Variants in TBC1D15 observed in about 807,000 individuals in gnomAD.
TBC1D15 encodes TBC1 domain family member 15, also known as GAP for RAB7.
Under a neutral mutation model 95.4 loss-of-function variants are expected in TBC1D15, and 39 were observed. That is an observed-to-expected ratio of 0.41 (90% CI 0.32 to 0.53). The LOEUF (loss-of-function observed/expected upper bound fraction) is 0.53, where lower values mean the gene tolerates loss of function less well. TBC1D15 is among the 20% of genes least tolerant of loss of function. The pLI, the probability that TBC1D15 is intolerant of heterozygous loss-of-function variation, is 0.29. For synonymous variants in TBC1D15, 258 were observed against 261.3 expected, an observed-to-expected ratio of 0.99 and a Z score of 0.12; for missense variants, 733 against 794.3, an observed-to-expected ratio of 0.92 and a Z score of 0.93.
chr12:71,918,323 A>C (rs1362780691), intron 13 of TBC1D15, 128 bp from the exon 14 acceptor site: 3 of 530,454 alleles, frequency 5.7e-6, no homozygotes, highest in Non-Finnish European at 1.0e-5. Context: ...ATGATTCCTT[A>C]ACGTAGAAGA....
chr12:71,885,072 C>T, intron 5 of TBC1D15, 51 bp downstream of exon 5: 6 of 1,573,484 alleles, frequency 3.8e-6, no homozygotes, highest in Non-Finnish European at 4.3e-6. Context: ...TTGTATTAAT[C>T]CCAAAGCAAA....
chr12:71,894,180 CT>C lies in TBC1D15; in HGVS notation c.658-504del, dbSNP rs1196626127. ...TAGCACTGTCCCAGAATAAATTATT[CT>C]TGTTGGCATGATTTACTATTCATAT... On this transcript the variant is annotated intron_variant, in intron 6 of 16. Coordinates refer to ENST00000485960, the MANE Select transcript of TBC1D15 (RefSeq NM_001146213.3). 6 of 672,350 alleles carry C rather than the reference CT, an allele frequency of 8.9e-6. No individual in the cohort carries two copies. The African/African-American group carries it at 1.1e-4, about 12-fold the overall frequency. 41.6% of individuals were successfully genotyped at this position (672,350 alleles called of 1,614,324 possible). A position where few individuals can be genotyped will look rare whatever the true frequency, so the allele number is the denominator to read the frequency against.
chr12:71,886,875 T>C (rs532059772), intron 5 of TBC1D15, among the ~76,000 whole-genome samples: 1 of 152,248 alleles, frequency 6.6e-6, no homozygotes, highest in East Asian at 1.9e-4. Flanking sequence ...CATAGTAAGC[T>C]CAGTATCGGT....
chr12:71,894,931 A>T (rs1443646978), intron 7 of TBC1D15, 48 bp downstream of exon 7: 2 of 1,537,616 alleles, frequency 1.3e-6, no homozygotes, highest in Non-Finnish European at 1.8e-6. Flanking sequence ...TAACAGGAGA[A>T]CATGTACTAT....
intron 11 of TBC1D15, chr12:71,907,998 C>A (rs1901188553): frequency 6.6e-6 from 1 of 152,222 alleles, no homozygotes; most frequent in Non-Finnish European, 1.5e-5. Context: ...TGGTGAAACC[C>A]CATCTCTACT....
chr12:71,871,545 C>T (rs924911896), intron 1 of TBC1D15, among the ~76,000 whole-genome samples: 5 of 152,020 alleles, frequency 3.3e-5, no homozygotes, highest in Admixed American at 6.5e-5. Context: ...AATTCGAGCT[C>T]AGTATTTTCC....
intron 1 of TBC1D15, among the ~76,000 whole-genome samples, chr12:71,857,710 T>C (rs1035008267): frequency 6.6e-5 from 10 of 152,252 alleles, no homozygotes; most frequent in Admixed American, 3.9e-4. Context: ...GAAGCATTCA[T>C]GATCTGCTCT....
chr12:71,864,508 G>GT (rs759041399), intron 1 of TBC1D15, among the ~76,000 whole-genome samples: 4 of 146,498 alleles, frequency 2.7e-5, no homozygotes, highest in Non-Finnish European at 6.0e-5. Flanking sequence ...TTGTTTGTTT[G>GT]TTTGTTTTGT....
intron 10 of TBC1D15, among the ~76,000 whole-genome samples, chr12:71,901,266 C>G (rs1229377776): frequency 6.6e-6 from 1 of 151,972 alleles, no homozygotes. Flanking sequence ...AAGCAATTCT[C>G]CCATCTCAGT....
intron 7 of TBC1D15, among the ~76,000 whole-genome samples, 194 bp from the exon 8 acceptor site, chr12:71,895,753 T>A (rs1898037295): frequency 6.6e-6 from 1 of 152,146 alleles, no homozygotes; most frequent in South Asian, 2.1e-4. Context: ...ACCCAGTTTG[T>A]TGTGTGTTTA....
At chr12:71,861,627 G>T in intron 1 of TBC1D15, 1 of 726,122 alleles carries the variant, frequency 1.4e-6, no homozygotes, top group Non-Finnish European at 1.9e-6. Flanking sequence ...TGTCAATTTT[G>T]GCTGCCTTTA....
intron 1 of TBC1D15, among the ~76,000 whole-genome samples, chr12:71,850,849 T>TTG (rs1179428347): frequency 6.6e-6 from 1 of 151,380 alleles, no homozygotes; most frequent in Non-Finnish European, 1.5e-5. Flanking sequence ...TAGCCAGGTG[T>TTG]TGTGGCGCGC....
At chr12:71,863,943 A>G (rs1157841840) in intron 1 of TBC1D15, among the ~76,000 whole-genome samples, 2 of 151,498 alleles carry the variant, frequency 1.3e-5, no homozygotes, top group Non-Finnish European at 2.9e-5. Flanking sequence ...TTATTGAATT[A>G]TCTGTATTTT....
chr12:71,890,958 A>G (rs1194481961), intron 5 of TBC1D15, among the ~76,000 whole-genome samples: 2 of 152,174 alleles, frequency 1.3e-5, no homozygotes, highest in East Asian at 3.8e-4. Flanking sequence ...GGCCATTTTT[A>G]CATTGATATG....
intron 5 of TBC1D15, among the ~76,000 whole-genome samples, chr12:71,892,607 C>T (rs1239086000): frequency 6.6e-6 from 1 of 151,736 alleles, no homozygotes; most frequent in Non-Finnish European, 1.5e-5. Context: ...TAAGCAAGAA[C>T]TAAAAACATA....
chr12:71,916,762 C>G (rs1298492360), intron 12 of TBC1D15, among the ~76,000 whole-genome samples: 1 of 152,088 alleles, frequency 6.6e-6, no homozygotes, highest in African/African-American at 2.4e-5. Flanking sequence ...CTTCTGGCCC[C>G]TTGACTCAGG....
At chr12:71,860,162 T>C (rs1033029184) in intron 1 of TBC1D15, among the ~76,000 whole-genome samples, 1 of 152,224 alleles carries the variant, frequency 6.6e-6, no homozygotes, top group African/African-American at 2.4e-5. Flanking sequence ...TGTAGGTTTG[T>C]AGTACATTTT....
chr12:71,889,021 A>C (rs1896765447), intron 5 of TBC1D15, among the ~76,000 whole-genome samples: 1 of 152,162 alleles, frequency 6.6e-6, no homozygotes, highest in African/African-American at 2.4e-5. Flanking sequence ...ATAAAAGTAT[A>C]TTAGGATAAT....
At chr12:71,854,896 G>A (rs1275677506) in intron 1 of TBC1D15, 1 of 455,310 alleles carries the variant, frequency 2.2e-6, no homozygotes, top group South Asian at 1.6e-5. Flanking sequence ...TTTTCCATCA[G>A]ACAAAATTCC....
Sources: gnomAD v4.1 joint callset for allele counts (sites outside exome capture counted in the v4.1 genomes callset) on GRCh38, gnomAD v4.1.1 for gene constraint, MANE v1.5 for transcripts, NCBI Gene and HGNC (gene_info 2026-07-23, HGNC 2026-07-21) for gene names.